LRRC37A2: variants seen among roughly 807,000 people sequenced by gnomAD.
The protein encoded by LRRC37A2 is leucine rich repeat containing 37 member A2, also known as leucine-rich repeat-containing protein 37A2.
In LRRC37A2, 9 loss-of-function variants were observed where a neutral mutation model predicts 68.8. The ratio of observed to expected loss-of-function variants is 0.13; its 90% CI spans 0.08 to 0.23. The LOEUF is 0.23. Among genes scored for constraint, LRRC37A2 ranks in the 10% least tolerant of loss-of-function variants. The pLI, the probability that LRRC37A2 is intolerant of heterozygous loss-of-function variation, is 1.00. For synonymous variants in LRRC37A2, 63 were observed against 367.6 expected, an observed-to-expected ratio of 0.17 and a Z score of 9.48; for missense variants, 168 against 950.4, an observed-to-expected ratio of 0.18 and a Z score of 10.82.
At chr17:46,838,900 C>T in the LRRC37A2 span, among the ~76,000 whole-genome samples, 37 of 152,016 alleles carry the variant, frequency 2.4e-4, no homozygotes, top group African/African-American at 5.6e-4. Flanking sequence ...TTTTCTGAGA[C>T]GGAGTCGCAC....
At chr17:46,926,207 A>T in the LRRC37A2 span, among the ~76,000 whole-genome samples, 23 of 152,150 alleles carry the variant, frequency 1.5e-4, no homozygotes, top group Admixed American at 1.5e-3. Context: ...CCCTTTAATG[A>T]GCGAAATGTA....
chr17:46,813,208 A>G, the LRRC37A2 span, among the ~76,000 whole-genome samples: 1 of 151,886 alleles, frequency 6.6e-6, no homozygotes, highest in Non-Finnish European at 1.5e-5. Flanking sequence ...CACAGCAACG[A>G]GCCCAGAACC....
the LRRC37A2 span, among the ~76,000 whole-genome samples, chr17:46,495,821 T>C: frequency 7.5e-6 from 1 of 134,222 alleles, no homozygotes; most frequent in Non-Finnish European, 1.5e-5. Context: ...ACGTATTGTT[T>C]AATTTTCAAA....
chr17:46,947,726 A>G, the LRRC37A2 span, among the ~76,000 whole-genome samples: 2 of 152,222 alleles, frequency 1.3e-5, no homozygotes, highest in African/African-American at 4.8e-5. Context: ...CTCAAGTGGT[A>G]GCAAAAGTGC....
the LRRC37A2 span, among the ~76,000 whole-genome samples, chr17:46,799,462 T>G: frequency 1.3e-5 from 2 of 151,412 alleles, no homozygotes; most frequent in Non-Finnish European, 2.9e-5. Flanking sequence ...TTTTTTTTTT[T>G]TTCGAGATGG....
the LRRC37A2 span, among the ~76,000 whole-genome samples, chr17:46,831,728 G>A: frequency 1.3e-5 from 2 of 152,204 alleles, no homozygotes; most frequent in Non-Finnish European, 2.9e-5. Context: ...GAGGGGACTG[G>A]GAAACCAGGG....
the LRRC37A2 span, chr17:46,939,040 G>T: frequency 7.9e-7 from 1 of 1,270,436 alleles, no homozygotes; most frequent in African/African-American, 1.5e-5. Context: ...GGAAAGAATG[G>T]CTTTGGTGGC....
the LRRC37A2 span, among the ~76,000 whole-genome samples, chr17:46,919,425 C>T: frequency 2.0e-5 from 3 of 152,078 alleles, no homozygotes; most frequent in Non-Finnish European, 2.9e-5. Flanking sequence ...GGCCTAAATA[C>T]GTATAAAGAC....
At chr17:46,997,098 C>T in the LRRC37A2 span, among the ~76,000 whole-genome samples, 4 of 152,132 alleles carry the variant, frequency 2.6e-5, no homozygotes. Flanking sequence ...CGTCAGTAAT[C>T]CTAGCACTTT....
the LRRC37A2 span, among the ~76,000 whole-genome samples, chr17:46,461,550 C>T: frequency 9.6e-5 from 9 of 93,428 alleles, no homozygotes; most frequent in East Asian, 8.1e-4. Flanking sequence ...CTTATGATTA[C>T]GTAGGCGTTC....
intron 11 of LRRC37A2, among the ~76,000 whole-genome samples, chr17:46,550,757 T>A (rs1442067870): frequency 3.2e-5 from 3 of 94,044 alleles, no homozygotes; most frequent in Admixed American, 1.1e-4. Flanking sequence ...CCCACTAGAC[T>A]ATTTTAAGAA....
chr17:46,954,090 T>C, the LRRC37A2 span, among the ~76,000 whole-genome samples: 1 of 152,240 alleles, frequency 6.6e-6, no homozygotes, highest in Non-Finnish European at 1.5e-5. Flanking sequence ...TTTTGGTGTT[T>C]TAGACATGAA....
At chr17:46,839,437 T>G in the LRRC37A2 span, among the ~76,000 whole-genome samples, 1 of 152,224 alleles carries the variant, frequency 6.6e-6, no homozygotes, top group Non-Finnish European at 1.5e-5. Context: ...GTATGGTAGC[T>G]GCCACTGGGC....
chr17:46,922,894 G>A, the LRRC37A2 span: 2 of 519,674 alleles, frequency 3.8e-6, no homozygotes, highest in Non-Finnish European at 3.5e-6. Flanking sequence ...TTAGTATCCC[G>A]CGATTGTCCT....
chr17:46,795,610 C>T, the LRRC37A2 span, among the ~76,000 whole-genome samples: 1 of 152,200 alleles, frequency 6.6e-6, no homozygotes, highest in African/African-American at 2.4e-5. Flanking sequence ...AGCCTGCAAA[C>T]ATTTCCCGGC....
the LRRC37A2 span, among the ~76,000 whole-genome samples, chr17:46,841,145 T>C: frequency 1.3e-5 from 2 of 152,150 alleles, no homozygotes; most frequent in African/African-American, 4.8e-5. Context: ...AAATCAAATT[T>C]ACCATTTATT....
chr17:47,030,053 ACT>A, the LRRC37A2 span, among the ~76,000 whole-genome samples: 3 of 144,406 alleles, frequency 2.1e-5, no homozygotes, highest in Non-Finnish European at 4.5e-5. Flanking sequence ...ACAGAGTGAG[ACT>A]CTGTCTCAAA....
chr17:47,015,171 C>A, the LRRC37A2 span, among the ~76,000 whole-genome samples: 1 of 151,978 alleles, frequency 6.6e-6, no homozygotes, highest in Non-Finnish European at 1.5e-5. Flanking sequence ...CCACACTCAG[C>A]TAATTTTTGT....
At chr17:46,839,391 G>T in the LRRC37A2 span, among the ~76,000 whole-genome samples, 4 of 152,162 alleles carry the variant, frequency 2.6e-5, no homozygotes, top group African/African-American at 9.7e-5. Flanking sequence ...GCACTGGCGT[G>T]GTGTCCACTT....
Sources: allele counts gnomAD v4.1 joint callset (sites outside exome capture counted in the v4.1 genomes callset), GRCh38; gene constraint gnomAD v4.1.1; transcripts MANE v1.5; gene names NCBI Gene and HGNC (gene_info 2026-07-23, HGNC 2026-07-21).